Variants in MTARC2 observed in about 807,000 individuals in gnomAD.
MTARC2 encodes the protein MOCO sulphurase C-terminal domain containing 2.
Under a neutral mutation model 35.6 loss-of-function variants are expected in MTARC2, and 27 were observed. The observed-to-expected ratio is 0.76, with a 90% CI of 0.56 to 1.04. The LOEUF (loss-of-function observed/expected upper bound fraction) is 1.04, where lower values mean the gene tolerates loss of function less well. Ranked by LOEUF, MTARC2 falls within the 50% of genes least tolerant of loss-of-function variation. MTARC2 has a pLI of 0.00. For synonymous variants in MTARC2, 158 were observed against 167.1 expected (o/e 0.95, Z 0.42); for missense variants, 412 against 432.5 (o/e 0.95, Z 0.42).
intron 4 of MTARC2, among the ~76,000 whole-genome samples, chr1:220,773,136 G>A (rs1671790961): frequency 6.6e-6 from 1 of 152,172 alleles, no homozygotes; most frequent in Admixed American, 6.5e-5. Flanking sequence ...CATGATTAGA[G>A]GGTTGGGACT....
intron 1 of MTARC2, among the ~76,000 whole-genome samples, chr1:220,749,998 C>T (rs1671088167): frequency 6.6e-6 from 1 of 152,100 alleles, no homozygotes; most frequent in Non-Finnish European, 1.5e-5. Flanking sequence ...TTTTCATTCT[C>T]CCACCCTTAC....
intron 1 of MTARC2, chr1:220,754,375 G>A (rs746596848): frequency 2.2e-6 from 1 of 456,302 alleles, no homozygotes. Context: ...CAGAATGTGT[G>A]CATGAAGAGG....
At position 220,755,538 on chromosome 1, in the gene MTARC2, C is replaced by T. The variant is rs12027337; in HGVS notation, c.446+418C>T. Among the ~76,000 whole-genome samples the T allele has an allele frequency of 5.8e-3, 883 of 152,128 alleles. 9 individuals are homozygous for T. The East Asian group carries it at 0.06, about 10-fold the overall frequency. On this transcript the variant is annotated intron_variant, in intron 2 of 7. Coordinates refer to ENST00000366913, the MANE Select transcript of MTARC2 (RefSeq NM_017898.5). ...CAGGAAAGGAGAAGCAAGGCAGGGGCGGCAGGCTTAGGGCTGGCTAGTTTG... is the reference window on the plus strand; with the variant it reads ...CAGGAAAGGAGAAGCAAGGCAGGGGTGGCAGGCTTAGGGCTGGCTAGTTTG...
In MTARC2 at chr1:220,753,625, C is replaced by T. The variant is rs151242858; in HGVS notation, c.273-1322C>T. Among the ~76,000 whole-genome samples, 6 of 152,302 alleles carry T rather than the reference C, an allele frequency of 3.9e-5. No individual in the cohort carries two copies. The East Asian group carries it at 9.7e-4, about 25-fold the overall frequency. ...GAATGTCTCCCTGGGAGGAGCCGCC[C>T]CTGCTTCTGGAAGGGGCTGTGCTTT... is the stretch of plus-strand genomic sequence containing the variant. On this transcript the variant is annotated intron_variant, in intron 1 of 7. Coordinates refer to ENST00000366913, the MANE Select transcript of MTARC2 (RefSeq NM_017898.5).
intron 4 of MTARC2, among the ~76,000 whole-genome samples, chr1:220,768,797 A>G (rs1671652802): frequency 6.6e-6 from 1 of 152,194 alleles, no homozygotes; most frequent in Non-Finnish European, 1.5e-5. Flanking sequence ...AGCATCTGAA[A>G]GTCATTTTTC....
chr1:220,780,453 C>G (rs1572321613), intron 6 of MTARC2, among the ~76,000 whole-genome samples: 1 of 133,778 alleles, frequency 7.5e-6, no homozygotes, highest in East Asian at 2.3e-4. Context: ...TTTGGATAAA[C>G]TTTTTTTTTT....
intron 4 of MTARC2, chr1:220,770,445 C>G: frequency 1.0e-6 from 1 of 985,358 alleles, no homozygotes; most frequent in Middle Eastern, 5.2e-4. Flanking sequence ...GAGTGTGATA[C>G]GTGAACGCAC....
intron 2 of MTARC2, among the ~76,000 whole-genome samples, chr1:220,759,124 C>T (rs953519832): frequency 1.3e-5 from 2 of 152,068 alleles, no homozygotes; most frequent in Non-Finnish European, 2.9e-5. Flanking sequence ...CTTAAAAACA[C>T]TTTTTTTGTT....
At chr1:220,780,131 C>T (rs1162889101) in intron 5 of MTARC2, 37 bp from the exon 6 acceptor site, 5 of 1,608,496 alleles carry the variant, frequency 3.1e-6, no homozygotes, top group African/African-American at 1.3e-5. Flanking sequence ...TTCATTGGTT[C>T]CTAAGCATCA....
chr1:220,769,752 CT>C (rs1181256879), intron 4 of MTARC2, among the ~76,000 whole-genome samples: 1 of 151,662 alleles, frequency 6.6e-6, no homozygotes. Flanking sequence ...CTCTCTCTCT[CT>C]CTTTCTCTCT....
chr1:220,766,324 A>G (rs530061394), intron 4 of MTARC2, among the ~76,000 whole-genome samples: 19 of 152,322 alleles, frequency 1.2e-4, no homozygotes, highest in African/African-American at 3.8e-4. Flanking sequence ...TCAAGCCTCA[A>G]TGGCTTGCCA....
At chr1:220,774,743 T>C (rs2102566104) in intron 4 of MTARC2, among the ~76,000 whole-genome samples, 1 of 152,322 alleles carries the variant, frequency 6.6e-6, no homozygotes, top group African/African-American at 2.4e-5. Context: ...TCTTTCCACC[T>C]CACTCTCAGC....
chr1:220,763,235 G>A (rs920987515), intron 4 of MTARC2, among the ~76,000 whole-genome samples, 185 bp downstream of exon 4: 17 of 152,068 alleles, frequency 1.1e-4, no homozygotes, highest in African/African-American at 2.9e-4. Context: ...CGCTGGCCTC[G>A]GGGGGCGTTG....
chr1:220,775,614 G>A (rs776569528), intron 4 of MTARC2, among the ~76,000 whole-genome samples: 1 of 152,184 alleles, frequency 6.6e-6, no homozygotes, highest in Non-Finnish European at 1.5e-5. Flanking sequence ...TTGGTGTACA[G>A]ATTATTTTGT....
At chr1:220,759,794 G>A (rs1671392233) in intron 2 of MTARC2, among the ~76,000 whole-genome samples, 1 of 152,144 alleles carries the variant, frequency 6.6e-6, no homozygotes, top group Non-Finnish European at 1.5e-5. Flanking sequence ...CTTCGAGAAG[G>A]GGGTTTAGAG....
At chr1:220,777,825 C>A (rs1439400302) in intron 4 of MTARC2, among the ~76,000 whole-genome samples, 1 of 152,136 alleles carries the variant, frequency 6.6e-6, no homozygotes, top group East Asian at 1.9e-4. Flanking sequence ...TCTTGACTTA[C>A]CATGGGGTTA....
At position 220,756,959 on chromosome 1, in the gene MTARC2, A is replaced by G. The variant is rs542046933; in HGVS notation, c.446+1839A>G. On this transcript the variant is annotated intron_variant, in intron 2 of 7. Coordinates refer to ENST00000366913, the MANE Select transcript of MTARC2 (RefSeq NM_017898.5). ...CTCTTGTTGCCCAGCCTGGAGTGCA[A>G]TGGCACGATCTTGGCTCACTGCAAC... 9.2e-5 allele frequency among the ~76,000 whole-genome samples: 14 copies of G among 152,336 alleles called. No homozygotes were observed. The South Asian group carries it at 2.1e-3, about 23-fold the overall frequency.
At chr1:220,776,943 A>T (rs916909109) in intron 4 of MTARC2, among the ~76,000 whole-genome samples, 8 of 152,130 alleles carry the variant, frequency 5.3e-5, no homozygotes, top group African/African-American at 1.7e-4. Flanking sequence ...CAGGGTACCC[A>T]TTGATCCTTA....
intron 4 of MTARC2, among the ~76,000 whole-genome samples, chr1:220,766,590 T>C (rs1436967990): frequency 6.6e-6 from 1 of 152,202 alleles, no homozygotes; most frequent in Non-Finnish European, 1.5e-5. Flanking sequence ...TGTTTCCTGA[T>C]TTGTTTCCAC....
Sources: gnomAD v4.1 joint callset for allele counts (sites outside exome capture counted in the v4.1 genomes callset) on GRCh38, gnomAD v4.1.1 for gene constraint, MANE v1.5 for transcripts, NCBI Gene and HGNC (gene_info 2026-07-23, HGNC 2026-07-21) for gene names.